Variants in PDZRN4 observed in about 807,000 individuals in gnomAD.
PDZRN4 encodes PDZ domain containing ring finger 4, also known as PDZ domain-containing RING finger protein 4.
A neutral mutation model predicts 99.0 loss-of-function variants in PDZRN4; 70 were observed. The observed-to-expected ratio is 0.71, with a 90% CI of 0.58 to 0.86. The LOEUF is 0.86. Among genes scored for constraint, PDZRN4 ranks in the 40% least tolerant of loss-of-function variants. The pLI, the probability that PDZRN4 is intolerant of heterozygous loss-of-function variation, is 0.00. For missense variants in PDZRN4, 1,474 were observed against 1,331.2 expected, an observed-to-expected ratio of 1.11 and a Z score of -1.67; for synonymous variants, 551 against 501.6, an observed-to-expected ratio of 1.10 and a Z score of -1.32.
At chr12:41,523,118 T>C (rs953034387) in intron 5 of PDZRN4, among the ~76,000 whole-genome samples, 1 of 152,112 alleles carries the variant, frequency 6.6e-6, no homozygotes, top group Non-Finnish European at 1.5e-5. Flanking sequence ...GTTCCTTATC[T>C]GTGAAAAGAA....
chr12:41,505,708 T>A (rs1215188052), intron 3 of PDZRN4, among the ~76,000 whole-genome samples: 1 of 149,648 alleles, frequency 6.7e-6, no homozygotes, highest in Non-Finnish European at 1.5e-5. Context: ...TGTCCAGGGC[T>A]ACCTTGGAGA....
intron 3 of PDZRN4, among the ~76,000 whole-genome samples, chr12:41,209,694 G>A (rs933550330): frequency 2.0e-5 from 3 of 150,448 alleles, no homozygotes; most frequent in Non-Finnish European, 3.0e-5. Context: ...TTTTATGGCT[G>A]CATAGTATTC....
At chr12:41,566,311 T>C (rs904078824) in intron 8 of PDZRN4, among the ~76,000 whole-genome samples, 1 of 152,198 alleles carries the variant, frequency 6.6e-6, no homozygotes, top group Non-Finnish European at 1.5e-5. Flanking sequence ...GAAAAATTCC[T>C]TGATGTGTTT....
At chr12:41,470,736 C>T (rs1393039121) in intron 3 of PDZRN4, among the ~76,000 whole-genome samples, 1 of 152,114 alleles carries the variant, frequency 6.6e-6, no homozygotes, top group Non-Finnish European at 1.5e-5. Flanking sequence ...CCACCCACTT[C>T]TTAAAAGTCC....
At position 41,558,017 on chromosome 12, in the gene PDZRN4, G is replaced by T. The variant is rs12318142; in HGVS notation, c.1365+2257G>T. Among the ~76,000 whole-genome samples the T allele has an allele frequency of 4.9e-3, 746 of 152,274 alleles. 11 individuals carry two copies. The highest frequency in any genetic ancestry group is 0.017 in the African/African-American group (711 of 41,552). On this transcript the variant is annotated intron_variant, in intron 7 of 9. Coordinates refer to ENST00000402685, the MANE Select transcript of PDZRN4 (RefSeq NM_001164595.2). ...ATAGGGTAGATGAGTAACATCTGTT[G>T]AAAGGCTTTGCTTGTACAGCTTCGT...
intron 3 of PDZRN4, among the ~76,000 whole-genome samples, chr12:41,331,267 A>G (rs1265168890): frequency 6.6e-6 from 1 of 152,042 alleles, no homozygotes; most frequent in Admixed American, 6.6e-5. Flanking sequence ...GGTTTTAAAG[A>G]TGTTAAGTAT....
intron 3 of PDZRN4, among the ~76,000 whole-genome samples, chr12:41,250,454 AC>A (rs1299918559): frequency 6.6e-6 from 1 of 152,218 alleles, no homozygotes; most frequent in Non-Finnish European, 1.5e-5. Context: ...AAAAATATAA[AC>A]TATATTTCTC....
intron 3 of PDZRN4, among the ~76,000 whole-genome samples, chr12:41,305,799 A>G (rs546930071): frequency 5.9e-5 from 9 of 152,296 alleles, no homozygotes; most frequent in African/African-American, 1.9e-4. Context: ...TATGTAAAAT[A>G]CATTTGTTCC....
chr12:41,382,157 T>G (rs919125409), intron 3 of PDZRN4, among the ~76,000 whole-genome samples: 1 of 152,174 alleles, frequency 6.6e-6, no homozygotes, highest in Admixed American at 6.5e-5. Flanking sequence ...AGCTTCAGAA[T>G]GGGTTCCATT....
Position 41,194,205 on chromosome 12 carries a change from A to G in PDZRN4, c.843+17A>G. ...ATCATGGAGGTAAGACAATGATAAA[A>G]CATGTATATGATCCATGCAAGAAAG... On this transcript the variant is annotated intron_variant, in intron 3 of 9. Transcript: ENST00000402685. 9.4e-7 allele frequency: 1 copy of G among 1,069,468 alleles called. No homozygotes were observed. Among genetic ancestry groups the G allele is most frequent in the Non-Finnish European group, 1.4e-6 (1 of 697,268 alleles). The allele number at this position is 1,069,468 out of a possible 1,614,324, so 66.2% of individuals were successfully genotyped here.
rs564423790 is a variant in PDZRN4 at position 41,419,773 on chromosome 12, T to C, written c.844-86683T>C. Among the ~76,000 whole-genome samples, 13 of 152,302 alleles carry C rather than the reference T, an allele frequency of 8.5e-5. No individual in the cohort carries two copies. In the East Asian group the frequency reaches 2.3e-3, roughly 27 times the overall value. ...GAGTCTATATCGGTTCAAATTGTAA[T>C]TTTAAATCAAACTAGCCAGCTGTCA... On this transcript the variant is annotated intron_variant, in intron 3 of 9. Coordinates refer to ENST00000402685, the MANE Select transcript of PDZRN4 (RefSeq NM_001164595.2).
intron 3 of PDZRN4, among the ~76,000 whole-genome samples, chr12:41,197,811 A>G (rs1456131970): frequency 1.3e-5 from 2 of 152,124 alleles, no homozygotes; most frequent in Non-Finnish European, 2.9e-5. Context: ...AGGATGCCTA[A>G]GTGGTATGTG....
At chr12:41,539,987 A>G (rs1202837599) in intron 5 of PDZRN4, among the ~76,000 whole-genome samples, 2 of 152,230 alleles carry the variant, frequency 1.3e-5, no homozygotes, top group Non-Finnish European at 2.9e-5. Flanking sequence ...CATTTCATGT[A>G]TCATAATAGA....
At chr12:41,219,002 G>A (rs1246524457) in intron 3 of PDZRN4, among the ~76,000 whole-genome samples, 7 of 151,836 alleles carry the variant, frequency 4.6e-5, no homozygotes, top group Admixed American at 4.6e-4. Flanking sequence ...CTAGATCTAG[G>A]AATATTATCT....
intron 3 of PDZRN4, among the ~76,000 whole-genome samples, chr12:41,253,594 A>C (rs1200426415): frequency 6.6e-6 from 1 of 152,174 alleles, no homozygotes; most frequent in Non-Finnish European, 1.5e-5. Context: ...TTCCTCAAAA[A>C]ACTAAAACTA....
At chr12:41,499,888 G>A (rs1431106617) in intron 3 of PDZRN4, among the ~76,000 whole-genome samples, 1 of 151,924 alleles carries the variant, frequency 6.6e-6, no homozygotes, top group Non-Finnish European at 1.5e-5. Context: ...TATCTCATTG[G>A]GGTGCTGGGA....
At chr12:41,275,528 A>AG (rs1357471561) in intron 3 of PDZRN4, among the ~76,000 whole-genome samples, 4 of 152,136 alleles carry the variant, frequency 2.6e-5, no homozygotes, top group Admixed American at 2.0e-4. Flanking sequence ...GTGGAGTGAC[A>AG]GGGGAGGCAG....
At chr12:41,336,534 T>C (rs1309133291) in intron 3 of PDZRN4, among the ~76,000 whole-genome samples, 3 of 152,100 alleles carry the variant, frequency 2.0e-5, no homozygotes, top group East Asian at 1.9e-4. Flanking sequence ...GTACATGCAA[T>C]GTCATAACCA....
chr12:41,489,312 A>T (rs1367225862), intron 3 of PDZRN4, among the ~76,000 whole-genome samples: 6 of 152,054 alleles, frequency 3.9e-5, no homozygotes, highest in African/African-American at 1.2e-4. Context: ...GGATGTTGCT[A>T]AACATCCTTA....
Sources: gnomAD v4.1 joint callset for allele counts (sites outside exome capture counted in the v4.1 genomes callset) on GRCh38, gnomAD v4.1.1 for gene constraint, MANE v1.5 for transcripts, NCBI Gene and HGNC (gene_info 2026-07-23, HGNC 2026-07-21) for gene names.